The following PARD3B variants were observed in gnomAD, a reference collection of about 807,000 sequenced individuals.
PARD3B encodes the protein par-3 family cell polarity regulator beta, also known as partitioning defective 3 homolog B.
Under a neutral mutation model 130.2 loss-of-function variants are expected in PARD3B, and 103 were observed. The ratio of observed to expected loss-of-function variants is 0.79; its 90% CI spans 0.67 to 0.93. PARD3B has a LOEUF of 0.93. Ranked by LOEUF, PARD3B falls within the 40% of genes least tolerant of loss-of-function variation. The pLI is 0.00. For synonymous variants in PARD3B, 583 were observed against 553.2 expected (o/e 1.05, Z -0.76); for missense variants, 1,609 against 1,499.2 (o/e 1.07, Z -1.21).
intron 20 of PARD3B, among the ~76,000 whole-genome samples, chr2:205,444,583 C>T (rs560921882): frequency 6.6e-6 from 1 of 152,246 alleles, no homozygotes; most frequent in South Asian, 2.1e-4. Context: ...CAATGGGAGC[C>T]ACTGAAGCGT....
Position 204,890,109 on chromosome 2 carries a change from G to A in PARD3B, c.223-75043G>A, listed in dbSNP as rs907312768. Reference sequence around the variant, plus strand: ...ACTGGATGCAGAATTTACCATGTCTGCTTTGCCTTCTCCGCCTTCTCCGCA... The same window carrying A: ...ACTGGATGCAGAATTTACCATGTCTACTTTGCCTTCTCCGCCTTCTCCGCA... On this transcript the variant is annotated intron_variant, in intron 2 of 22. Transcript: ENST00000406610. This position sits in a 1 kb window ranked among gnomAD's most constrained non-coding sequence, Gnocchi z 4.9. Among the ~76,000 whole-genome samples, 2 of 152,216 alleles carry A rather than the reference G, an allele frequency of 1.3e-5. No individual in the cohort carries two copies. Among genetic ancestry groups the A allele is most frequent in the Non-Finnish European group, 2.9e-5 (2 of 68,048 alleles).
chr2:205,271,748 T>C (rs1244039149), intron 16 of PARD3B, among the ~76,000 whole-genome samples: 2 of 152,242 alleles, frequency 1.3e-5, no homozygotes, highest in East Asian at 1.9e-4. Context: ...TATCCTCAAC[T>C]TTCCACTGAT....
At chr2:205,414,117 G>A (rs1211058865) in intron 19 of PARD3B, among the ~76,000 whole-genome samples, 3 of 152,100 alleles carry the variant, frequency 2.0e-5, no homozygotes, top group Non-Finnish European at 2.9e-5. Flanking sequence ...ATGAAAAATG[G>A]CAACAGCCAT....
At chr2:204,546,260 A>G in intron 1 of PARD3B, 141 bp downstream of exon 1, 5 of 1,215,900 alleles carry the variant, frequency 4.1e-6, no homozygotes, top group South Asian at 2.9e-5. Context: ...TCTATTGCTA[A>G]TATCAGTGAT....
At chr2:204,651,062 G>A (rs1017480696) in intron 1 of PARD3B, among the ~76,000 whole-genome samples, 4 of 152,112 alleles carry the variant, frequency 2.6e-5, no homozygotes, top group Admixed American at 1.3e-4. Flanking sequence ...TGAGATTTGG[G>A]TGAGGACCCA....
intron 4 of PARD3B, among the ~76,000 whole-genome samples, chr2:205,065,178 G>A (rs1700291478): frequency 6.6e-6 from 1 of 152,174 alleles, no homozygotes; most frequent in South Asian, 2.1e-4. Context: ...TTAGAGGGAA[G>A]AAACCCTTAG....
intron 22 of PARD3B, among the ~76,000 whole-genome samples, chr2:205,559,079 TG>T (rs1235039941): frequency 6.6e-6 from 1 of 152,220 alleles, no homozygotes; most frequent in Non-Finnish European, 1.5e-5. Context: ...TTTTGGTTTT[TG>T]TTTTGTTTCC....
At chr2:204,932,626 GA>G (rs1333573092) in intron 2 of PARD3B, among the ~76,000 whole-genome samples, 1 of 152,146 alleles carries the variant, frequency 6.6e-6, no homozygotes, top group Non-Finnish European at 1.5e-5. Flanking sequence ...ATTTTGTCAA[GA>G]AAGAATGTGT....
At chr2:205,277,638 C>A (rs1194269554) in intron 16 of PARD3B, among the ~76,000 whole-genome samples, 6 of 151,926 alleles carry the variant, frequency 3.9e-5, no homozygotes, top group Non-Finnish European at 8.8e-5. Context: ...GATGCAGAGA[C>A]CCAATGGAGG....
intron 15 of PARD3B, among the ~76,000 whole-genome samples, chr2:205,214,415 C>T (rs1363598418): frequency 2.0e-5 from 3 of 150,874 alleles, no homozygotes; most frequent in Non-Finnish European, 4.4e-5. Flanking sequence ...ATTGTGTAAG[C>T]TGAATATTTA....
At chr2:205,298,647 G>T (rs772234215) in intron 16 of PARD3B, among the ~76,000 whole-genome samples, 1 of 152,078 alleles carries the variant, frequency 6.6e-6, no homozygotes, top group Non-Finnish European at 1.5e-5. Context: ...TGTTCAAAGT[G>T]CAAAGTTGTC....
At chr2:204,633,453 CAGTT>C (rs1166145681) in intron 1 of PARD3B, among the ~76,000 whole-genome samples, 1 of 152,122 alleles carries the variant, frequency 6.6e-6, no homozygotes, top group African/African-American at 2.4e-5. Context: ...CATCTAAAAA[CAGTT>C]AATTTAATAT....
At chr2:204,834,396 T>C (rs1020940668) in intron 2 of PARD3B, among the ~76,000 whole-genome samples, 1 of 152,170 alleles carries the variant, frequency 6.6e-6, no homozygotes, top group Non-Finnish European at 1.5e-5. Flanking sequence ...ATAGAAGTAA[T>C]TTGTCAGTTT....
chr2:204,717,996 A>G (rs1414760119), intron 2 of PARD3B, among the ~76,000 whole-genome samples: 2 of 152,188 alleles, frequency 1.3e-5, no homozygotes, highest in African/African-American at 4.8e-5. Flanking sequence ...GGTTATGTGA[A>G]TGTTCCAATT....
At chr2:205,304,722 G>C (rs2042130661) in intron 18 of PARD3B, among the ~76,000 whole-genome samples, 2 of 151,738 alleles carry the variant, frequency 1.3e-5, no homozygotes, top group African/African-American at 2.4e-5. Flanking sequence ...AATCACTTGA[G>C]CCCAGGAGTT....
At chr2:204,691,781 C>T (rs888790118) in intron 2 of PARD3B, among the ~76,000 whole-genome samples, 4 of 151,824 alleles carry the variant, frequency 2.6e-5, no homozygotes, top group African/African-American at 9.7e-5. Context: ...AACTATTTTA[C>T]TGTATATTTT....
At chr2:204,837,084 C>T (rs760244905) in intron 2 of PARD3B, among the ~76,000 whole-genome samples, 1 of 152,144 alleles carries the variant, frequency 6.6e-6, no homozygotes, top group Non-Finnish European at 1.5e-5. Flanking sequence ...GTTTAATTAA[C>T]ATCCAGTGGG....
chr2:205,382,147 T>G (rs1052309193), intron 18 of PARD3B, among the ~76,000 whole-genome samples: 1 of 152,090 alleles, frequency 6.6e-6, no homozygotes, highest in African/African-American at 2.4e-5. Flanking sequence ...GTCCTTTTTC[T>G]GTTTCAGTAT....
rs113318256 is a variant in PARD3B at position 205,203,560 on chromosome 2, A to G, written c.2140+10240A>G. On this transcript the variant is annotated intron_variant, in intron 15 of 22. Transcript: ENST00000406610. ...TGGTGGTTTGCTCACCCATCAACCC[A>G]TCATCTACATTAGGTATTTCTCCTA... 7.5e-3 allele frequency among the ~76,000 whole-genome samples: 1,141 copies of G among 152,022 alleles called. 16 individuals carry two copies. Among genetic ancestry groups the G allele is most frequent in the Middle Eastern group, 0.014 (4 of 294 alleles).
Sources: gnomAD v4.1 joint callset for allele counts (sites outside exome capture counted in the v4.1 genomes callset) on GRCh38, gnomAD v4.1.1 for gene constraint, Gnocchi (gnomAD v3.1) non-coding constraint, MANE v1.5 for transcripts, NCBI Gene and HGNC (gene_info 2026-07-23, HGNC 2026-07-21) for gene names.